The following MAPK6 variants were observed in gnomAD, a reference collection of about 807,000 sequenced individuals.
MAPK6 encodes mitogen-activated protein kinase 6, also known as ERK-3.
A neutral mutation model predicts 59.3 loss-of-function variants in MAPK6; 19 were observed. The observed-to-expected ratio is 0.32, with a 90% CI of 0.22 to 0.47. The LOEUF (loss-of-function observed/expected upper bound fraction) is 0.47. MAPK6 is among the 20% of genes least tolerant of loss of function. The probability of loss-of-function intolerance (pLI) is 1.00; values close to 1 mark genes in which losing one functional copy is unlikely to be tolerated. For synonymous variants in MAPK6, 316 were observed against 290.3 expected (o/e 1.09, Z -0.90); for missense variants, 724 against 847.9 (o/e 0.85, Z 1.81).
chr15:52,005,500 C>G (rs2057255649), intron 3 of MAPK6, among the ~76,000 whole-genome samples: 1 of 151,226 alleles, frequency 6.6e-6, no homozygotes, highest in Non-Finnish European at 1.5e-5. Flanking sequence ...GCACTCCAGC[C>G]TGGGCAACAA....
chr15:51,978,927 C>T (rs1171960558), intron 1 of MAPK6, among the ~76,000 whole-genome samples: 2 of 151,402 alleles, frequency 1.3e-5, no homozygotes, highest in African/African-American at 2.4e-5. Context: ...TCAAGACCAG[C>T]CTGGGCAACA....
chr15:52,032,871 A>T (rs1328290513), intron 1 of MAPK6, among the ~76,000 whole-genome samples: 1 of 151,828 alleles, frequency 6.6e-6, no homozygotes, highest in Non-Finnish European at 1.5e-5. Context: ...TTTAGTAGAG[A>T]TAGGGGTTTC....
At chr15:51,974,719 CT>C (rs993568924) in intron 1 of MAPK6, among the ~76,000 whole-genome samples, 20 of 138,842 alleles carry the variant, frequency 1.4e-4, no homozygotes, top group Middle Eastern at 3.6e-3. Flanking sequence ...TGGAGAATTT[CT>C]TTTTTCCCCC....
At chr15:52,060,629 T>C (rs2032163045) in intron 4 of MAPK6, among the ~76,000 whole-genome samples, 1 of 152,162 alleles carries the variant, frequency 6.6e-6, no homozygotes, top group Non-Finnish European at 1.5e-5. Context: ...AATATAGCTT[T>C]CAGGCTGCGT....
upstream of MAPK6, among the ~76,000 whole-genome samples, chr15:52,016,125 G>A (rs893845574): frequency 7.5e-6 from 1 of 133,092 alleles, no homozygotes; most frequent in Admixed American, 7.8e-5. Context: ...AACTGGCCGG[G>A]CATGGTGGCT....
At chr15:52,048,705 G>A (rs1282243321) in intron 2 of MAPK6, among the ~76,000 whole-genome samples, 2 of 152,280 alleles carry the variant, frequency 1.3e-5, no homozygotes, top group South Asian at 2.1e-4. Flanking sequence ...GGGGCAGGAG[G>A]ATCACTTGAG....
chr15:52,030,880 C>T (rs539486703), intron 1 of MAPK6, among the ~76,000 whole-genome samples: 2 of 150,600 alleles, frequency 1.3e-5, no homozygotes, highest in African/African-American at 4.9e-5. Flanking sequence ...CAGTCTCTGC[C>T]TCCTGGGTTC....
rs192642078 is a variant in MAPK6 at position 52,026,313 on chromosome 15, C to T, written c.-632+6937C>T. Among the ~76,000 whole-genome samples, 121 of 152,214 alleles carry T rather than the reference C, an allele frequency of 7.9e-4. 1 individual carries two copies. The East Asian group carries it at 8.3e-3, about 10-fold the overall frequency. On this transcript the variant is annotated intron_variant, in intron 1 of 5. Transcript: ENST00000261845. ...TTTTGTTGTTGTCGTTGTTTTGAGACGGAGTTTTGCTCTTATTGTTCAGGT... is the reference window on the plus strand; with the variant it reads ...TTTTGTTGTTGTCGTTGTTTTGAGATGGAGTTTTGCTCTTATTGTTCAGGT...
chr15:52,000,440 T>C (rs1244713591), intron 2 of MAPK6, among the ~76,000 whole-genome samples: 1 of 152,242 alleles, frequency 6.6e-6, no homozygotes, highest in Non-Finnish European at 1.5e-5. Context: ...TAGTGTACTG[T>C]ATGAGATAAG....
In MAPK6 at chr15:52,038,056, TAGAA is replaced by T. The variant is rs538532761; in HGVS notation, c.-631-7770_-631-7767del. On this transcript the variant is annotated intron_variant, in intron 1 of 5. Transcript: ENST00000261845. ...AAAGAAAAGGGAGTGAAAATGTTAT[TAGAA>T]AGAGGAGAAAGAAAAGTGAAATGTT... is the stretch of plus-strand genomic sequence containing the variant. Among the ~76,000 whole-genome samples the T allele has an allele frequency of 3.3e-4, 50 of 151,210 alleles. No homozygotes were observed. The East Asian group carries it at 7.8e-3, about 24-fold the overall frequency.
chr15:52,015,626 C>CCA (rs1408461359), upstream of MAPK6, among the ~76,000 whole-genome samples: 1 of 151,210 alleles, frequency 6.6e-6, no homozygotes, highest in African/African-American at 2.4e-5. Context: ...GCGCACGCCA[C>CCA]CACGCCCGGC....
chr15:51,993,311 C>G (rs1376779248), intron 2 of MAPK6, among the ~76,000 whole-genome samples: 1 of 152,170 alleles, frequency 6.6e-6, no homozygotes, highest in Non-Finnish European at 1.5e-5. Flanking sequence ...CCTCCTAGCA[C>G]CACTATTGCT....
chr15:52,063,398 T>C (rs1279669591), intron 5 of MAPK6, among the ~76,000 whole-genome samples: 1 of 152,172 alleles, frequency 6.6e-6, no homozygotes, highest in African/African-American at 2.4e-5. Context: ...AGTTATCTAA[T>C]CTCTTTTCTT....
chr15:52,000,545 C>G (rs145762232), intron 2 of MAPK6, among the ~76,000 whole-genome samples: 1 of 152,110 alleles, frequency 6.6e-6, no homozygotes, highest in African/African-American at 2.4e-5. Flanking sequence ...CAGTGGTTCA[C>G]GCCTGTAATC....
intron 1 of MAPK6, among the ~76,000 whole-genome samples, chr15:52,042,203 A>G (rs572799928): frequency 5.2e-4 from 79 of 152,334 alleles, no homozygotes; most frequent in African/African-American, 1.8e-3. Context: ...CTTGAAGACT[A>G]CTACTCACAG....
At chr15:52,023,584 ATG>A (rs1195451602) in intron 1 of MAPK6, among the ~76,000 whole-genome samples, 5 of 152,124 alleles carry the variant, frequency 3.3e-5, no homozygotes, top group African/African-American at 9.7e-5. Context: ...TTGGAAAATA[ATG>A]TGTGTCTCTC....
intron 2 of MAPK6, among the ~76,000 whole-genome samples, chr15:51,985,893 G>C (rs1328027481): frequency 6.6e-6 from 1 of 151,922 alleles, no homozygotes; most frequent in African/African-American, 2.4e-5. Context: ...AGGAGGCGGA[G>C]CTTGCAGTGA....
At chr15:52,022,970 G>A (rs987042419) in intron 1 of MAPK6, among the ~76,000 whole-genome samples, 3 of 151,972 alleles carry the variant, frequency 2.0e-5, no homozygotes, top group African/African-American at 7.2e-5. Flanking sequence ...AGCTGGGTGT[G>A]GTGGCACGTG....
intron 4 of MAPK6, among the ~76,000 whole-genome samples, chr15:52,059,387 C>A (rs921101279): frequency 1.3e-5 from 2 of 152,194 alleles, no homozygotes; most frequent in Non-Finnish European, 2.9e-5. Context: ...CTCAGCCTCC[C>A]ACAGTGGTAG....
Sources: allele counts gnomAD v4.1 joint callset (sites outside exome capture counted in the v4.1 genomes callset), GRCh38; gene constraint gnomAD v4.1.1; transcripts MANE v1.5; gene names NCBI Gene and HGNC (gene_info 2026-07-23, HGNC 2026-07-21).